UQCC1: variants seen among roughly 807,000 people sequenced by gnomAD.
UQCC1 encodes ubiquinol-cytochrome c reductase complex assembly factor 1.
A neutral mutation model predicts 48.0 loss-of-function variants in UQCC1; 38 were observed. The observed-to-expected ratio is 0.79, with a 90% confidence interval of 0.61 to 1.04. The LOEUF is 1.04. Among genes scored for constraint, UQCC1 ranks in the 50% least tolerant of loss-of-function variants. UQCC1 has a pLI of 0.00. For synonymous variants in UQCC1, 111 were observed against 129.2 expected (o/e 0.86, Z 0.95); for missense variants, 368 against 381.8 (o/e 0.96, Z 0.30).
intron 6 of UQCC1, among the ~76,000 whole-genome samples, chr20:35,359,886 C>T (rs1406057151): frequency 6.6e-6 from 1 of 152,158 alleles, no homozygotes; most frequent in Non-Finnish European, 1.5e-5. Flanking sequence ...TGGCTATCTC[C>T]ACCTGGTTTC....
Position 35,347,309 on chromosome 20 carries a change from T to C in UQCC1, c.465-37A>G, listed in dbSNP as rs2061442372. The C allele has an allele frequency of 3.1e-6, 5 of 1,609,866 alleles. No individual in the cohort carries two copies. The Middle Eastern group carries it at 8.3e-4, about 266-fold the overall frequency. On this transcript the variant is annotated intron_variant, in intron 6 of 9. Coordinates refer to ENST00000374385, the MANE Select transcript of UQCC1 (RefSeq NM_018244.5). ...GAAGACAAAAAAAGTCTTGGCTGTT[T>C]GCATTTTTCACATCACACATTTCCA...
At position 35,368,364 on chromosome 20, in the gene UQCC1, T is replaced by C. The variant is rs184095134; in HGVS notation, c.407-1750A>G. ...CCTCCCAATAACCCTGAGGTAGGCA[T>C]TGATATTATCCCAAATTGACAGGTA... On this transcript the variant is annotated intron_variant, in intron 5 of 9. Transcript: ENST00000374385. Among the ~76,000 whole-genome samples, 53 of 152,306 alleles carry C rather than the reference T, an allele frequency of 3.5e-4. No individual in the cohort carries two copies. In the East Asian group the frequency reaches 9.3e-3, roughly 27 times the overall value.
intron 7 of UQCC1, among the ~76,000 whole-genome samples, chr20:35,343,049 CTCT>C (rs1326168978): frequency 1.3e-5 from 2 of 152,130 alleles, no homozygotes; most frequent in Non-Finnish European, 2.9e-5. Flanking sequence ...GAAAGTGGCT[CTCT>C]TATTTCTTGA....
At chr20:35,392,215 T>C (rs1301366445) in intron 2 of UQCC1, 21 of 1,303,034 alleles carry the variant, frequency 1.6e-5, no homozygotes, top group Non-Finnish European at 2.1e-5. Flanking sequence ...AGCCAAATCT[T>C]CCTCCCTGTG....
intron 7 of UQCC1, among the ~76,000 whole-genome samples, chr20:35,330,729 T>C (rs905239786): frequency 1.6e-4 from 24 of 152,168 alleles, no homozygotes; most frequent in African/African-American, 5.3e-4. Flanking sequence ...TGGAGAAAAG[T>C]AGAAAGTTTT....
chr20:35,394,347 A>G (rs1225242939), intron 1 of UQCC1, 151 bp from the exon 2 acceptor site: 1 of 663,640 alleles, frequency 1.5e-6, no homozygotes, highest in Non-Finnish European at 2.5e-6. Flanking sequence ...AAACCCTTGG[A>G]ATTTCTGAGT....
chr20:35,348,864 A>C (rs1004362241), intron 6 of UQCC1, among the ~76,000 whole-genome samples: 2 of 152,166 alleles, frequency 1.3e-5, no homozygotes, highest in African/African-American at 4.8e-5. Context: ...TTTGCTGTGC[A>C]AGCAGATCTC....
intron 8 of UQCC1, chr20:35,307,012 C>T: frequency 1.8e-6 from 1 of 547,026 alleles, no homozygotes; most frequent in South Asian, 1.9e-5. Flanking sequence ...TCCAGAGGGG[C>T]CAAGCCACCA....
chr20:35,366,661 C>T (rs1456683454), intron 5 of UQCC1, 47 bp from the exon 6 acceptor site: 1 of 1,483,890 alleles, frequency 6.7e-7, no homozygotes, highest in Non-Finnish European at 9.4e-7. Context: ...TTAAAGGAAG[C>T]ATATTGACCA....
At chr20:35,370,234 C>CT (rs200297507) in intron 5 of UQCC1, among the ~76,000 whole-genome samples, 320 of 125,038 alleles carry the variant, frequency 2.6e-3, no homozygotes, top group Non-Finnish European at 3.0e-3. Context: ...TCTCTTGTTT[C>CT]TTTTTTTTTT....
intron 1 of UQCC1, among the ~76,000 whole-genome samples, chr20:35,400,232 G>A (rs1380837604): frequency 1.3e-5 from 2 of 151,476 alleles, no homozygotes; most frequent in East Asian, 2.0e-4. Flanking sequence ...ACCTCTACTC[G>A]TCCTTTTTCC....
chr20:35,404,048 T>A (rs2062209367), intron 1 of UQCC1, among the ~76,000 whole-genome samples: 1 of 149,952 alleles, frequency 6.7e-6, no homozygotes. Context: ...CCATCCTGGC[T>A]AACATGGTGA....
intron 6 of UQCC1, among the ~76,000 whole-genome samples, chr20:35,357,472 T>A (rs1379883615): frequency 8.6e-5 from 13 of 150,468 alleles, no homozygotes; most frequent in Non-Finnish European, 1.9e-4. Flanking sequence ...GTGAGCCGAG[T>A]TCACACCATT....
At chr20:35,339,607 T>C (rs1379134748) in intron 7 of UQCC1, among the ~76,000 whole-genome samples, 2 of 152,202 alleles carry the variant, frequency 1.3e-5, no homozygotes, top group Admixed American at 6.5e-5. Flanking sequence ...TATGATTTGT[T>C]GCAGATTAAA....
chr20:35,349,100 T>C (rs933980014), intron 6 of UQCC1, among the ~76,000 whole-genome samples: 2 of 152,226 alleles, frequency 1.3e-5, no homozygotes, highest in African/African-American at 4.8e-5. Context: ...ATCTTGCCAA[T>C]TAAAATCTAC....
intron 2 of UQCC1, chr20:35,386,160 A>G (rs2061940345): frequency 2.9e-6 from 1 of 341,252 alleles, no homozygotes. Flanking sequence ...CACACAAGAA[A>G]CCAAAGAGTT....
chr20:35,392,158 C>A, intron 2 of UQCC1: 2 of 1,055,262 alleles, frequency 1.9e-6, no homozygotes, highest in Non-Finnish European at 2.6e-6. Context: ...GCAGCTCACA[C>A]ATCCCATTAT....
At position 35,303,856 on chromosome 20, in the gene UQCC1, A is replaced by G. The variant is rs2060896724; in HGVS notation, c.*79T>C. ...GAGGTCAGTTCAGGCCACTTTCTGC[A>G]GGGTCCTGGACCAACAGGCACTTCT... is the stretch of plus-strand genomic sequence containing the variant. On this transcript the variant is annotated 3_prime_UTR_variant, in exon 10 of 10. Transcript: ENST00000374385. 15 of 1,599,438 alleles carry G rather than the reference A, an allele frequency of 9.4e-6. No homozygotes were observed. Among genetic ancestry groups the G allele is most frequent in the Non-Finnish European group, 1.3e-5 (15 of 1,169,278 alleles).
intron 1 of UQCC1, among the ~76,000 whole-genome samples, chr20:35,395,675 C>T (rs991249833): frequency 3.9e-4 from 59 of 152,186 alleles, no homozygotes; most frequent in African/African-American, 1.3e-3. Flanking sequence ...TCCACAGGGA[C>T]AGAAGCAACT....
Sources: gnomAD v4.1 joint callset for allele counts (sites outside exome capture counted in the v4.1 genomes callset) on GRCh38, gnomAD v4.1.1 for gene constraint, MANE v1.5 for transcripts, NCBI Gene and HGNC (gene_info 2026-07-23, HGNC 2026-07-21) for gene names.